COL27A1: variants seen among roughly 807,000 people sequenced by gnomAD.
COL27A1 encodes collagen type XXVII alpha 1 chain.
In COL27A1, 106 loss-of-function variants were observed where a neutral mutation model predicts 251.3. That is an observed-to-expected ratio of 0.42 (90% confidence interval 0.36 to 0.50). The LOEUF is 0.50. Among genes scored for constraint, COL27A1 ranks in the 20% least tolerant of loss-of-function variants. The pLI is 0.00. For missense variants in COL27A1, 2,325 were observed against 2,522.8 expected, an observed-to-expected ratio of 0.92 and a Z score of 1.68; for synonymous variants, 1,000 against 986.3, an observed-to-expected ratio of 1.01 and a Z score of -0.26.
chr9:114,168,849 A>G lies in COL27A1; in HGVS notation c.1294A>G (p.Met432Val), dbSNP rs1306125219. ...GAAGCCCATCCAGAGGAACCCGGGA[A>G]TGCCCAGGCCCCCACCGCCCAGCAC... ...AEKPIQRNPG[M>V]PRPPPPSTRP... Residue 432 changes from methionine to valine, a missense_variant, in exon 3 of 61, where the codon ATG becomes GTG. By Grantham distance (21) the Met-to-Val change is conservative (BLOSUM62 1). Transcript: ENST00000356083. The G allele has an allele frequency of 1.2e-6, 2 of 1,613,896 alleles. No homozygotes were observed. Among genetic ancestry groups the G allele is most frequent in the Admixed American group, 3.3e-5 (2 of 60,002 alleles).
chr9:114,243,990 A>G (rs1832945333), intron 23 of COL27A1, among the ~76,000 whole-genome samples: 1 of 148,042 alleles, frequency 6.8e-6, no homozygotes, highest in Admixed American at 6.8e-5. Flanking sequence ...CAGTGGTGCA[A>G]TCTCAGCTCA....
intron 41 of COL27A1, among the ~76,000 whole-genome samples, chr9:114,288,253 C>T (rs1827651816): frequency 6.6e-6 from 1 of 152,214 alleles, no homozygotes; most frequent in African/African-American, 2.4e-5. Flanking sequence ...GGGCACAAAG[C>T]ACTGTTCTGT....
intron 16 of COL27A1, among the ~76,000 whole-genome samples, chr9:114,234,254 A>T (rs190234411): frequency 6.8e-6 from 1 of 147,686 alleles, no homozygotes; most frequent in Non-Finnish European, 1.5e-5. Context: ...TTCCCCAAAT[A>T]CCAGGATGTT....
chr9:114,180,259 G>A (rs746572629), intron 4 of COL27A1, among the ~76,000 whole-genome samples: 3 of 152,210 alleles, frequency 2.0e-5, no homozygotes, highest in East Asian at 1.9e-4. Flanking sequence ...AGCACCCTGC[G>A]TGCTGGAGGT....
In COL27A1 at chr9:114,301,487, G is replaced by C. The variant is rs577549448; in HGVS notation, c.4809+25G>C. On this transcript the variant is annotated intron_variant, in intron 54 of 60. Transcript: ENST00000356083. The stretch of plus-strand genomic sequence containing the variant: ...GGTGAGTGGGCTGGGCATGAGGGCT[G>C]TGGGGCGGGGCGTGGGGCGGGCACC... The C allele has an allele frequency of 2.5e-6, 4 of 1,601,530 alleles. No homozygotes were observed. In the South Asian group the frequency reaches 4.4e-5, roughly 18 times the overall value.
intron 56 of COL27A1, among the ~76,000 whole-genome samples, chr9:114,303,048 G>A (rs902788424): frequency 6.6e-6 from 1 of 152,046 alleles, no homozygotes; most frequent in Non-Finnish European, 1.5e-5. Context: ...TGACAGCCCT[G>A]GCCTCTCCTC....
At chr9:114,250,534 A>C in intron 24 of COL27A1, 81 bp from the exon 25 acceptor site, 1 of 1,335,588 alleles carries the variant, frequency 7.5e-7, no homozygotes, top group Non-Finnish European at 1.1e-6. Context: ...CACCTGGGAG[A>C]TGAGCTTCAG....
chr9:114,294,345 G>GCTGATT (rs763693724), intron 49 of COL27A1, among the ~76,000 whole-genome samples: 67 of 151,802 alleles, frequency 4.4e-4, no homozygotes, highest in South Asian at 1.9e-3. Flanking sequence ...TTTCCTTGAG[G>GCTGATT]CTGATTCTAC....
intron 39 of COL27A1, 117 bp from the exon 40 acceptor site, chr9:114,283,592 G>A: frequency 1.1e-6 from 1 of 874,924 alleles, no homozygotes; most frequent in Non-Finnish European, 1.9e-6. Context: ...TTTGGTTATG[G>A]GCGGCATGGA....
chr9:114,167,522 C>T (rs57113194), intron 2 of COL27A1, among the ~76,000 whole-genome samples, 167 bp from the exon 3 acceptor site: 5,229 of 152,286 alleles, frequency 0.034, 172 homozygotes, highest in East Asian at 0.13. Context: ...TCCAACGCTG[C>T]CCTCTCAGCC....
chr9:114,235,957 T>C (rs1439538670), intron 17 of COL27A1, among the ~76,000 whole-genome samples: 1 of 152,112 alleles, frequency 6.6e-6, no homozygotes, highest in Non-Finnish European at 1.5e-5. Flanking sequence ...CATGGCTCCC[T>C]ATTGCTCTCA....
intron 1 of COL27A1, 101 bp downstream of exon 1, chr9:114,156,113 C>T (rs1848105746): frequency 3.9e-6 from 5 of 1,280,202 alleles, no homozygotes; most frequent in Non-Finnish European, 4.0e-6. Flanking sequence ...AGCGGAACGT[C>T]AGCTTCCTGC....
chr9:114,291,075 G>A (rs1425793399), intron 48 of COL27A1, among the ~76,000 whole-genome samples, 158 bp downstream of exon 48: 1 of 152,202 alleles, frequency 6.6e-6, no homozygotes, highest in Non-Finnish European at 1.5e-5. Flanking sequence ...TGGGGGTCCT[G>A]CCCCAAGCTT....
chr9:114,159,791 G>A (rs1164315097), intron 1 of COL27A1, among the ~76,000 whole-genome samples: 1 of 152,186 alleles, frequency 6.6e-6, no homozygotes, highest in Non-Finnish European at 1.5e-5. Context: ...GAGCCCAGAC[G>A]TTGCCCAGGA....
rs1209771379 is a variant in COL27A1 at position 114,288,487 on chromosome 9, G to T, written c.4020G>T (p.Gly1340=). Residue 1340 remains glycine, a synonymous_variant, in exon 42 of 61, where the codon GGG becomes GGT. Coordinates refer to ENST00000356083, the MANE Select transcript of COL27A1 (RefSeq NM_032888.4). ...AGGGCGAGGACGGCAAGGCTGAGGG[G>T]CCCCCTGGGCCACCTGGAGATCGGG... The part of the protein sequence containing the change: ...GEQGEDGKAE[G]PPGPPGDRGP... 2.5e-6 allele frequency: 4 copies of T among 1,608,494 alleles called. No homozygotes were observed. Among genetic ancestry groups the T allele is most frequent in the Non-Finnish European group, 3.4e-6 (4 of 1,178,366 alleles).
intron 4 of COL27A1, among the ~76,000 whole-genome samples, chr9:114,178,718 C>G (rs567338686): frequency 6.6e-6 from 1 of 152,224 alleles, no homozygotes; most frequent in Admixed American, 6.5e-5. Context: ...CTGCAGGGCT[C>G]TCCTGGAGTA....
In COL27A1 at chr9:114,155,969, C is replaced by CG; in HGVS notation, c.25dup (p.Ala9GlyfsTer36). The stretch of plus-strand genomic sequence containing the variant: ...GCCTGCCATGGGAGCGGGATCGGCG[C>CG]GGGGGGCCCGAGGCACAGCGGCGGC... On this transcript the variant is annotated frameshift_variant, in exon 1 of 61. Transcript: ENST00000356083. LOFTEE classifies it high-confidence loss of function. The surrounding 1 kb of genome is among the most constrained non-coding windows in gnomAD (Gnocchi z 5.5). 2.3e-6 allele frequency: 3 copies of CG among 1,286,728 alleles called. No individual in the cohort carries two copies. Among genetic ancestry groups the CG allele is most frequent in the Non-Finnish European group, 9.9e-7 (1 of 1,014,124 alleles). 79.7% of individuals were successfully genotyped at this position (1,286,728 alleles called of 1,614,324 possible).
chr9:114,309,849 G>T (rs1440722670), intron 60 of COL27A1, among the ~76,000 whole-genome samples: 2 of 152,178 alleles, frequency 1.3e-5, no homozygotes. Flanking sequence ...AGGGTGGGTT[G>T]TCAGGGGAGG....
chr9:114,309,629 A>G (rs1363229761), intron 60 of COL27A1, 151 bp downstream of exon 60: 8 of 702,288 alleles, frequency 1.1e-5, no homozygotes, highest in African/African-American at 1.8e-5. Flanking sequence ...TTTGTGTAAT[A>G]TAACAGTTTT....
Sources: gnomAD v4.1 joint callset for allele counts (sites outside exome capture counted in the v4.1 genomes callset) on GRCh38, gnomAD v4.1.1 for gene constraint, Gnocchi (gnomAD v3.1) non-coding constraint, MANE v1.5 for transcripts, NCBI Gene and HGNC (gene_info 2026-07-23, HGNC 2026-07-21) for gene names.